Variants in MYPN observed in about 807,000 individuals in gnomAD.
The protein encoded by MYPN is sarcomeric protein myopalladin, 145 kDa (MYOP).
In MYPN, 63 loss-of-function variants were observed where a neutral mutation model predicts 129.4. That is an observed-to-expected ratio of 0.49 (90% CI 0.40 to 0.60). The LOEUF is 0.60. MYPN is among the 20% of genes least tolerant of loss of function. MYPN has a pLI of 0.00. For missense variants in MYPN, 1,596 were observed against 1,635.4 expected, an observed-to-expected ratio of 0.98 and a Z score of 0.42; for synonymous variants, 629 against 600.9, an observed-to-expected ratio of 1.05 and a Z score of -0.68.
At chr10:68,103,699 C>T (rs201688476), upstream of MYPN, among the ~76,000 whole-genome samples, 81 of 152,300 alleles carry the variant, frequency 5.3e-4, 1 homozygote, top group East Asian at 0.015. Context: ...CCTGTAATTC[C>T]AGCACTTTGG....
intron 1 of MYPN, among the ~76,000 whole-genome samples, chr10:68,118,665 T>A (rs2133984681): frequency 6.6e-6 from 1 of 152,114 alleles, no homozygotes; most frequent in East Asian, 1.9e-4. Context: ...GAGACCTCGT[T>A]CCTACAGAAA....
rs148735364 is a variant in MYPN at position 68,126,595 on chromosome 10, C to T, written c.902+4255C>T. ...TAGGAACGAGGAGGAAGGATGTCAG[C>T]GAGCAATGTTTAGAAGAAAAGAAAT... On this transcript the variant is annotated intron_variant, in intron 2 of 19. Transcript: ENST00000358913. Among the ~76,000 whole-genome samples the T allele has an allele frequency of 7.9e-3, 1,195 of 152,136 alleles. 9 individuals are homozygous for T. Among genetic ancestry groups the T allele is most frequent in the Non-Finnish European group, 0.01 (698 of 68,008 alleles).
chr10:68,112,169 C>T (rs975156523), intron 1 of MYPN, among the ~76,000 whole-genome samples: 1 of 152,072 alleles, frequency 6.6e-6, no homozygotes, highest in Non-Finnish European at 1.5e-5. Context: ...ACCACCAAAC[C>T]CTTTTTCTTT....
intron 18 of MYPN, 151 bp downstream of exon 18, chr10:68,202,145 A>G: frequency 9.4e-7 from 1 of 1,065,068 alleles, no homozygotes; most frequent in Admixed American, 2.0e-5. Context: ...TTAAGAATGT[A>G]TTCCTGGCCA....
intron 4 of MYPN, 146 bp downstream of exon 4, chr10:68,145,672 A>G (rs1278605524): frequency 2.8e-6 from 2 of 709,860 alleles, no homozygotes; most frequent in Non-Finnish European, 4.9e-6. Context: ...CAAACAAACA[A>G]ACAAATTGAG....
chr10:68,138,749 G>A (rs1321009322), intron 2 of MYPN, among the ~76,000 whole-genome samples: 2 of 152,068 alleles, frequency 1.3e-5, no homozygotes, highest in East Asian at 3.9e-4. Context: ...CTTTAAACTA[G>A]CATTCCCCTT....
intron 2 of MYPN, among the ~76,000 whole-genome samples, chr10:68,128,581 CAAG>C (rs1564651295): frequency 6.6e-6 from 1 of 152,122 alleles, no homozygotes; most frequent in African/African-American, 2.4e-5. Flanking sequence ...AAGCAGCAAA[CAAG>C]ACAGCCAAAT....
intron 12 of MYPN, among the ~76,000 whole-genome samples, chr10:68,182,441 C>CAT (rs1288594645): frequency 2.4e-4 from 27 of 113,786 alleles, no homozygotes; most frequent in Non-Finnish European, 4.3e-4. Flanking sequence ...ATATATATAA[C>CAT]ATATATATAA....
chr10:68,197,263 C>A, intron 15 of MYPN, 89 bp from the exon 16 acceptor site: 1 of 1,478,108 alleles, frequency 6.8e-7, no homozygotes, highest in Non-Finnish European at 9.3e-7. Context: ...AATCTGTTCT[C>A]TAGGTCTGTA....
At chr10:68,142,683 C>G (rs1589549736) in intron 2 of MYPN, among the ~76,000 whole-genome samples, 1 of 152,154 alleles carries the variant, frequency 6.6e-6, no homozygotes, top group East Asian at 1.9e-4. Flanking sequence ...CTTGGCTGTT[C>G]CTGCTTTCTC....
intron 8 of MYPN, among the ~76,000 whole-genome samples, chr10:68,163,725 A>G (rs551406891): frequency 1.3e-5 from 2 of 152,370 alleles, no homozygotes; most frequent in African/African-American, 4.8e-5. Context: ...TCCTAATGTC[A>G]GAAATCCTAT....
chr10:68,171,866 T>G (rs1244423557), intron 10 of MYPN, among the ~76,000 whole-genome samples: 1 of 152,230 alleles, frequency 6.6e-6, no homozygotes, highest in Non-Finnish European at 1.5e-5. Flanking sequence ...GTGCACTACC[T>G]GTTCTTCAAA....
At position 68,176,995 on chromosome 10, in the gene MYPN, A is replaced by T. The variant is rs553950123; in HGVS notation, c.2703+1534A>T. ...TAAGTGTCATTGTAATTATAGCTGT[A>T]TTCAGCCTATGTCTTTTACAACTCG... On this transcript the variant is annotated intron_variant, in intron 12 of 19. Coordinates refer to ENST00000358913, the MANE Select transcript of MYPN (RefSeq NM_032578.4). Among the ~76,000 whole-genome samples, 7 of 152,340 alleles carry T rather than the reference A, an allele frequency of 4.6e-5. 1 individual carries two copies. In the East Asian group the frequency reaches 1.3e-3, roughly 29 times the overall value.
At chr10:68,170,337 A>G (rs538495134) in intron 10 of MYPN, among the ~76,000 whole-genome samples, 21 of 152,304 alleles carry the variant, frequency 1.4e-4, no homozygotes, top group Admixed American at 1.2e-3. Context: ...TCTCAGCACT[A>G]TATAATTCTT....
chr10:68,164,285 G>T (rs531276522), intron 8 of MYPN, among the ~76,000 whole-genome samples: 1 of 152,328 alleles, frequency 6.6e-6, no homozygotes, highest in Admixed American at 6.5e-5. Context: ...GAGCAAATGC[G>T]CAAGAGAAGG....
chr10:68,181,273 G>T (rs1273236024), intron 12 of MYPN, among the ~76,000 whole-genome samples: 1 of 152,072 alleles, frequency 6.6e-6, no homozygotes, highest in Admixed American at 6.6e-5. Context: ...GAACAGTGCA[G>T]AAAATACCTT....
At chr10:68,167,389 T>TA (rs1309401891) in intron 10 of MYPN, among the ~76,000 whole-genome samples, 1 of 152,242 alleles carries the variant, frequency 6.6e-6, no homozygotes, top group East Asian at 1.9e-4. Flanking sequence ...AGATAGTTCC[T>TA]AGCTGCAGCT....
chr10:68,110,315 C>G (rs1356039901), intron 1 of MYPN, among the ~76,000 whole-genome samples: 1 of 152,118 alleles, frequency 6.6e-6, no homozygotes, highest in Non-Finnish European at 1.5e-5. Flanking sequence ...ATCAGAAAGA[C>G]ACTTGACAGT....
chr10:68,168,643 A>G (rs2043090662), intron 10 of MYPN, among the ~76,000 whole-genome samples: 1 of 152,194 alleles, frequency 6.6e-6, no homozygotes, highest in Non-Finnish European at 1.5e-5. Flanking sequence ...ATCTCAAAGC[A>G]GGGACTTACC....
Sources: gnomAD v4.1 joint callset for allele counts (sites outside exome capture counted in the v4.1 genomes callset) on GRCh38, gnomAD v4.1.1 for gene constraint, MANE v1.5 for transcripts, NCBI Gene and HGNC (gene_info 2026-07-23, HGNC 2026-07-21) for gene names.